Variants in UBR2 observed in about 807,000 individuals in gnomAD.
The protein encoded by UBR2 is E3 ubiquitin-protein ligase UBR2.
A neutral mutation model predicts 247.9 loss-of-function variants in UBR2; 92 were observed. The ratio of observed to expected loss-of-function variants is 0.37; its 90% CI spans 0.31 to 0.44. The LOEUF (loss-of-function observed/expected upper bound fraction) is 0.44, where lower values mean the gene tolerates loss of function less well. Ranked by LOEUF, UBR2 falls within the 20% of genes least tolerant of loss-of-function variation. The pLI, the probability that UBR2 is intolerant of heterozygous loss-of-function variation, is 1.00. For synonymous variants in UBR2, 672 were observed against 693.5 expected (o/e 0.97, Z 0.49); for missense variants, 1,613 against 2,112.6 (o/e 0.76, Z 4.64).
chr6:42,684,243 GTC>G (rs1799224115), intron 43 of UBR2, among the ~76,000 whole-genome samples: 1 of 152,128 alleles, frequency 6.6e-6, no homozygotes, highest in Admixed American at 6.5e-5. Context: ...TAGCATGTCT[GTC>G]CCCTCAAAAT....
At chr6:42,661,729 G>T (rs1054079329) in intron 30 of UBR2, among the ~76,000 whole-genome samples, 3 of 151,966 alleles carry the variant, frequency 2.0e-5, no homozygotes, top group Non-Finnish European at 4.4e-5. Flanking sequence ...GTGTTGTTAG[G>T]CAGTCTGTCC....
At chr6:42,686,418 T>A (rs658610) in intron 44 of UBR2, among the ~76,000 whole-genome samples, 40,744 of 150,842 alleles carry the variant, frequency 0.27, 5,330 homozygotes, top group Non-Finnish European at 0.29. Flanking sequence ...ATTAACAGCA[T>A]CCCAAGGCAG....
At chr6:42,654,276 A>G (rs1797302332) in intron 25 of UBR2, among the ~76,000 whole-genome samples, 2 of 152,194 alleles carry the variant, frequency 1.3e-5, no homozygotes, top group Admixed American at 1.3e-4. Context: ...TGAACAAAAG[A>G]TTTGTGGGAA....
At chr6:42,614,318 GTA>G (rs1207213799) in intron 8 of UBR2, among the ~76,000 whole-genome samples, 2 of 64,644 alleles carry the variant, frequency 3.1e-5, no homozygotes, top group Admixed American at 1.9e-4. Flanking sequence ...ATATGGGTAT[GTA>G]TATATGTGTA....
chr6:42,678,053 T>C (rs935284367), intron 40 of UBR2, among the ~76,000 whole-genome samples: 1 of 152,068 alleles, frequency 6.6e-6, no homozygotes, highest in Non-Finnish European at 1.5e-5. Flanking sequence ...TATGTTACTT[T>C]TATAAATTTT....
chr6:42,652,069 C>T lies in UBR2; in HGVS notation c.2612C>T (p.Thr871Ile), dbSNP rs1582649620. Reference protein sequence around the residue: ...RKLKRQNREDTALPPPVLPPF... With the variant: ...RKLKRQNREDIALPPPVLPPF... ...TTGAAAAGACAAAATAGAGAAGATA[C>T]AGGTATTTTTAATCTTTCTGAAAAT... is the stretch of plus-strand genomic sequence containing the variant. The change falls in exon 24 of 47, where the codon ACA becomes ATA. Residue 871 changes from threonine (T) to isoleucine (I), a missense_variant and splice_region_variant. Thr to Ile is a moderately conservative substitution (Grantham distance 89). This residue lies in a region of UBR2 where 1,524 missense variants were observed against 1,967.3 expected (regional missense o/e 0.77). Transcript: ENST00000372901. 6.3e-7 allele frequency: 1 copy of T among 1,582,130 alleles called. No homozygotes were observed. Among genetic ancestry groups the T allele is most frequent in the East Asian group, 2.3e-5 (1 of 42,856 alleles).
intron 21 of UBR2, among the ~76,000 whole-genome samples, chr6:42,647,471 C>T (rs1355210774): frequency 6.7e-6 from 1 of 150,374 alleles, no homozygotes; most frequent in African/African-American, 2.4e-5. Context: ...TGGCAGGCGC[C>T]TGTAATCCCA....
intron 5 of UBR2, among the ~76,000 whole-genome samples, 179 bp downstream of exon 5, chr6:42,603,897 C>CTGGT (rs1173387921): frequency 6.6e-6 from 1 of 152,032 alleles, no homozygotes; most frequent in Non-Finnish European, 1.5e-5. Flanking sequence ...GTTTGGTTGG[C>CTGGT]TGGTTGGTTG....
intron 25 of UBR2, among the ~76,000 whole-genome samples, chr6:42,655,000 C>G (rs1167427832): frequency 6.6e-6 from 1 of 151,934 alleles, no homozygotes; most frequent in African/African-American, 2.4e-5. Flanking sequence ...TTTTTTAAGT[C>G]TGTAGTATAG....
intron 15 of UBR2, among the ~76,000 whole-genome samples, chr6:42,639,390 C>G (rs895944993): frequency 1.3e-5 from 2 of 152,112 alleles, no homozygotes; most frequent in Non-Finnish European, 2.9e-5. Context: ...GTCAGGAGTT[C>G]GAGACCAGCC....
intron 40 of UBR2, among the ~76,000 whole-genome samples, 175 bp from the exon 41 acceptor site, chr6:42,678,364 G>A (rs1006653298): frequency 1.3e-5 from 2 of 152,202 alleles, no homozygotes; most frequent in African/African-American, 4.8e-5. Context: ...ATTGGAGGCT[G>A]TGTCACCACT....
At chr6:42,586,863 T>C (rs112965770) in intron 2 of UBR2, among the ~76,000 whole-genome samples, 2,981 of 143,682 alleles carry the variant, frequency 0.021, 100 homozygotes, top group African/African-American at 0.074. Context: ...ACTCTGTCGC[T>C]GAGGCTGGAG....
intron 38 of UBR2, among the ~76,000 whole-genome samples, chr6:42,675,172 A>G (rs945824325): frequency 2.0e-5 from 3 of 152,264 alleles, no homozygotes; most frequent in Admixed American, 1.3e-4. Context: ...TGCGGCTATT[A>G]CTGTTCTCAT....
Position 42,663,313 on chromosome 6 carries a change from C to T in UBR2, c.3592C>T (p.His1198Tyr). The change falls in exon 32 of 47, where the codon CAT becomes TAT. Residue 1198 changes from histidine (H) to tyrosine (Y), a missense_variant. His to Tyr is a moderately conservative substitution (Grantham distance 83). Coordinates refer to ENST00000372901, the MANE Select transcript of UBR2 (RefSeq NM_001363705.2). ...EQRRQQRLRL[H>Y]TSYDVENGEF... ...GCGAAGGCAACAGAGATTACGCTTA[C>T]ATACGAGCTATGATGTAGAAAACGG... 4 of 1,613,768 alleles carry T rather than the reference C, an allele frequency of 2.5e-6. No homozygotes were observed. Among genetic ancestry groups the T allele is most frequent in the Non-Finnish European group, 3.4e-6 (4 of 1,179,864 alleles).
chr6:42,616,357 T>C (rs1794551140), intron 10 of UBR2, among the ~76,000 whole-genome samples: 1 of 152,030 alleles, frequency 6.6e-6, no homozygotes, highest in Non-Finnish European at 1.5e-5. Flanking sequence ...ACCTATGCCA[T>C]TGTGAATTAT....
intron 8 of UBR2, among the ~76,000 whole-genome samples, chr6:42,614,203 A>ATATATAT (rs1562310747): frequency 3.7e-5 from 2 of 54,786 alleles, no homozygotes; most frequent in Non-Finnish European, 3.2e-5. Context: ...AAAAAAAAAA[A>ATATATAT]AACTATATAT....
intron 2 of UBR2, among the ~76,000 whole-genome samples, chr6:42,576,970 T>C (rs1329340453): frequency 6.6e-6 from 1 of 152,166 alleles, no homozygotes; most frequent in Non-Finnish European, 1.5e-5. Flanking sequence ...GGAAACCAGA[T>C]CAAAGACCAG....
At chr6:42,681,723 A>T (rs1799067426) in intron 42 of UBR2, among the ~76,000 whole-genome samples, 1 of 152,234 alleles carries the variant, frequency 6.6e-6, no homozygotes, top group Admixed American at 6.5e-5. Flanking sequence ...AAGTTACCTT[A>T]TGATTCAGCA....
chr6:42,687,480 GGAGAGGGAGAGAA>G (rs1301902390), intron 44 of UBR2, among the ~76,000 whole-genome samples: 2 of 152,154 alleles, frequency 1.3e-5, no homozygotes, highest in African/African-American at 2.4e-5. Flanking sequence ...TGTGCAAAGG[GGAGAGGGAGAGAA>G]GAGAGGGAGA....
Sources: gnomAD v4.1 joint callset for allele counts (sites outside exome capture counted in the v4.1 genomes callset) on GRCh38, gnomAD v4.1.1 for gene constraint, gnomAD v4.1.1 regional missense constraint, MANE v1.5 for transcripts, NCBI Gene and HGNC (gene_info 2026-07-23, HGNC 2026-07-21) for gene names.